Variants in COL23A1 observed in about 807,000 individuals in gnomAD.
The protein encoded by COL23A1 is collagen alpha-1(XXIII) chain.
COL23A1 carries 97 observed loss-of-function variants against 99.3 expected under a neutral mutation model. That is an observed-to-expected ratio of 0.98 (90% CI 0.83 to 1.16). The LOEUF is 1.16. COL23A1 is among the 50% of genes most tolerant of loss of function. The pLI, the probability that COL23A1 is intolerant of heterozygous loss-of-function variation, is 0.00. For synonymous variants in COL23A1, 320 were observed against 308.2 expected (o/e 1.04, Z -0.40); for missense variants, 762 against 757.4 (o/e 1.01, Z -0.07).
rs578212668 is a variant in COL23A1 at position 178,310,944 on chromosome 5, T to A, written c.362-4025A>T. ...GAGTCTGTCTTGATTGATCTGCTCA[T>A]GTGGAGAAGGGGAAACTGAGGCTGC... On this transcript the variant is annotated intron_variant, in intron 2 of 28. Transcript: ENST00000390654. This position sits in a 1 kb window ranked among gnomAD's most constrained non-coding sequence, Gnocchi z 4.3. Among the ~76,000 whole-genome samples the A allele has an allele frequency of 2.6e-5, 4 of 152,186 alleles. No homozygotes were observed. In the East Asian group the frequency reaches 5.8e-4, roughly 22 times the overall value.
At chr5:178,431,637 C>T (rs1307651607) in intron 2 of COL23A1, among the ~76,000 whole-genome samples, 2 of 152,314 alleles carry the variant, frequency 1.3e-5, no homozygotes, top group East Asian at 3.9e-4. Flanking sequence ...CTGGCAGCGG[C>T]CAGGAGCTGA....
chr5:178,284,519 GCCTTACACATGTGCAAACCCTTT>G (rs1757056894), intron 5 of COL23A1, among the ~76,000 whole-genome samples: 4 of 152,092 alleles, frequency 2.6e-5, no homozygotes, highest in Non-Finnish European at 4.4e-5. Flanking sequence ...CACATCAAAA[GCCTTACACATGTGCAAACCCTTT>G]GGTGCAGCAA....
At chr5:178,418,948 C>A (rs941255167) in intron 2 of COL23A1, among the ~76,000 whole-genome samples, 4 of 152,190 alleles carry the variant, frequency 2.6e-5, no homozygotes, top group Admixed American at 1.3e-4. Flanking sequence ...GAATGGAAGC[C>A]CCAGGAGAGC....
intron 2 of COL23A1, among the ~76,000 whole-genome samples, chr5:178,380,346 C>G (rs777346751): frequency 9.2e-5 from 14 of 151,884 alleles, no homozygotes; most frequent in Non-Finnish European, 1.5e-4. Context: ...TGTGGACACT[C>G]CAGTGCAGCC....
chr5:178,549,274 A>G (rs946200778), intron 2 of COL23A1, among the ~76,000 whole-genome samples: 4 of 152,082 alleles, frequency 2.6e-5, no homozygotes, highest in Admixed American at 1.3e-4. Context: ...GATTACAGGC[A>G]TGAGCCACCA....
At chr5:178,531,832 C>T (rs1463535116) in intron 2 of COL23A1, among the ~76,000 whole-genome samples, 1 of 152,214 alleles carries the variant, frequency 6.6e-6, no homozygotes, top group Non-Finnish European at 1.5e-5. Context: ...CTAAGCGATC[C>T]CTGCCCCGGC....
At chr5:178,572,413 T>C (rs1763155626) in intron 1 of COL23A1, among the ~76,000 whole-genome samples, 1 of 151,432 alleles carries the variant, frequency 6.6e-6, no homozygotes, top group Admixed American at 6.6e-5. Flanking sequence ...AATCCACAGA[T>C]CTAAGAATCA....
At chr5:178,349,731 A>G (rs113573891) in intron 2 of COL23A1, among the ~76,000 whole-genome samples, 174 of 152,300 alleles carry the variant, frequency 1.1e-3, no homozygotes, top group African/African-American at 4.0e-3. Flanking sequence ...ACCAAGTCCT[A>G]CTGGGGTCCC....
At chr5:178,247,629 T>C in intron 21 of COL23A1, 77 bp from the exon 22 acceptor site, 2 of 1,586,456 alleles carry the variant, frequency 1.3e-6, no homozygotes, top group Non-Finnish European at 1.7e-6. Context: ...CCTGGGGCCC[T>C]GTCCTGGGCT....
chr5:178,562,816 G>A, intron 1 of COL23A1: 1 of 150,728 alleles, frequency 6.6e-6, no homozygotes, highest in Non-Finnish European at 1.5e-5. Context: ...AGTGCTGATT[G>A]GTCCACTTTA....
At chr5:178,508,010 T>C (rs1172106304) in intron 2 of COL23A1, among the ~76,000 whole-genome samples, 1 of 98,062 alleles carries the variant, frequency 1.0e-5, no homozygotes, top group Non-Finnish European at 2.3e-5. Context: ...TCTCTCTTTT[T>C]ATTTTTTCTT....
At chr5:178,443,332 C>A (rs1766983391) in intron 2 of COL23A1, among the ~76,000 whole-genome samples, 1 of 152,234 alleles carries the variant, frequency 6.6e-6, no homozygotes, top group African/African-American at 2.4e-5. Flanking sequence ...CAAGACCAGA[C>A]ACACAAAGGC....
rs879789305 is a variant in COL23A1, at chr5:178,309,943, G to GTC, written c.362-3025_362-3024insGA. On this transcript the variant is annotated intron_variant, in intron 2 of 28. Coordinates refer to ENST00000390654, the MANE Select transcript of COL23A1 (RefSeq NM_173465.4). The surrounding 1 kb of genome is among the most constrained non-coding windows in gnomAD (Gnocchi z 4.7). ...TGTGTGTTCAGGGGAGGAAGGGCGGGGGGGAGAGGGAGGGAGGGAGAAGGG... is the reference window on the plus strand; with the variant it reads ...TGTGTGTTCAGGGGAGGAAGGGCGGGTCGGGGAGAGGGAGGGAGGGAGAAGGG... Among the ~76,000 whole-genome samples, 6,652 of 146,040 alleles carry GTC rather than the reference G, an allele frequency of 0.046. 254 individuals carry two copies. Among genetic ancestry groups the GTC allele is most frequent in the African/African-American group, 0.11 (3,792 of 35,672 alleles).
intron 16 of COL23A1, among the ~76,000 whole-genome samples, chr5:178,253,944 A>G (rs1274119367): frequency 6.6e-6 from 1 of 151,294 alleles, no homozygotes; most frequent in Non-Finnish European, 1.5e-5. Flanking sequence ...TGGCAGGATC[A>G]CTTGAGGTCA....
intron 2 of COL23A1, among the ~76,000 whole-genome samples, chr5:178,495,391 C>A (rs187781055): frequency 2.4e-4 from 36 of 152,318 alleles, no homozygotes; most frequent in South Asian, 1.9e-3. Context: ...TCTGACATAG[C>A]CCCAGACCTG....
chr5:178,246,120 G>T, intron 24 of COL23A1, 134 bp downstream of exon 24: 2 of 1,302,966 alleles, frequency 1.5e-6, no homozygotes, highest in Non-Finnish European at 2.2e-6. Context: ...GACAGACCTG[G>T]CATCCACAGA....
At position 178,308,948 on chromosome 5, in the gene COL23A1, C is replaced by T. The variant is rs1371882272; in HGVS notation, c.362-2029G>A. Among the ~76,000 whole-genome samples, 2 of 152,204 alleles carry T rather than the reference C, an allele frequency of 1.3e-5. No homozygotes were observed. The highest frequency in any genetic ancestry group is 1.9e-4 in the East Asian group (1 of 5,186). ...TGTAGGAGGAAGAAGGCCCAGTGGC[C>T]ACCCACAAAGCTTCGGGGCTCTTGC... is the stretch of plus-strand genomic sequence containing the variant. On this transcript the variant is annotated intron_variant, in intron 2 of 28. Transcript: ENST00000390654. This position sits in a 1 kb window ranked among gnomAD's most constrained non-coding sequence, Gnocchi z 5.1.
rs1756871394 is a variant in COL23A1 at position 178,281,046 on chromosome 5, G to A, written c.441+7278C>T. Among the ~76,000 whole-genome samples, 1 of 152,162 alleles carries A rather than the reference G, an allele frequency of 6.6e-6. No homozygotes were observed. The highest frequency in any genetic ancestry group is 1.5e-5 in the Non-Finnish European group (1 of 68,032). On this transcript the variant is annotated intron_variant, in intron 5 of 28. Coordinates refer to ENST00000390654, the MANE Select transcript of COL23A1 (RefSeq NM_173465.4). The surrounding 1 kb of genome is among the most constrained non-coding windows in gnomAD (Gnocchi z 4.0). The stretch of plus-strand genomic sequence containing the variant: ...CCTGGGGAGAACGGCCAGCATGGTG[G>A]CCCTGGTTGCATCTCCCTGAGGTTC...
chr5:178,377,265 T>C (rs1261032762), intron 2 of COL23A1, among the ~76,000 whole-genome samples: 1 of 152,244 alleles, frequency 6.6e-6, no homozygotes, highest in Non-Finnish European at 1.5e-5. Context: ...GACACAGAGC[T>C]GCCTCCCCTG....
Sources: allele counts gnomAD v4.1 joint callset (sites outside exome capture counted in the v4.1 genomes callset), GRCh38; gene constraint gnomAD v4.1.1; non-coding constraint Gnocchi (gnomAD v3.1); transcripts MANE v1.5; gene names NCBI Gene and HGNC (gene_info 2026-07-23, HGNC 2026-07-21).